Variants in PSD3 observed in about 807,000 individuals in gnomAD.
PSD3 encodes pleckstrin and Sec7 domain containing 3, also known as PH and SEC7 domain-containing protein 3.
In PSD3, 49 loss-of-function variants were observed where a neutral mutation model predicts 105.5. That is an observed-to-expected ratio of 0.46 (90% confidence interval 0.37 to 0.59). The LOEUF (loss-of-function observed/expected upper bound fraction) is 0.59, where lower values mean the gene tolerates loss of function less well. Ranked by LOEUF, PSD3 falls within the 20% of genes least tolerant of loss-of-function variation. The pLI, the probability that PSD3 is intolerant of heterozygous loss-of-function variation, is 0.00. For missense variants in PSD3, 1,561 were observed against 1,263.8 expected (o/e 1.24, Z -3.57); for synonymous variants, 557 against 457.8 (o/e 1.22, Z -2.77).
chr8:18,741,795 T>TAAAAAAAAAAAAAAAAAAAAAAAA (rs3042866), intron 9 of PSD3, among the ~76,000 whole-genome samples: 1 of 79,686 alleles, frequency 1.3e-5, no homozygotes, highest in Non-Finnish European at 2.3e-5. Flanking sequence ...AATTTTATTG[T>TAAAAAAAAAAAAAAAAAAAAAAAA]AAAAAAAAAA....
intron 14 of PSD3, among the ~76,000 whole-genome samples, chr8:18,556,968 T>C (rs566861831): frequency 5.1e-4 from 77 of 152,244 alleles, no homozygotes; most frequent in Non-Finnish European, 1.0e-3. Context: ...AATTAAAATG[T>C]ATCTACCTAT....
chr8:18,963,008 G>C (rs1432927404), intron 1 of PSD3, among the ~76,000 whole-genome samples: 2 of 152,178 alleles, frequency 1.3e-5, no homozygotes, highest in Non-Finnish European at 2.9e-5. Context: ...GATAAAAAGA[G>C]GTTTAATTGG....
intron 8 of PSD3, among the ~76,000 whole-genome samples, chr8:18,789,323 A>T (rs335249): frequency 0.053 from 8,046 of 152,298 alleles, 249 homozygotes; most frequent in Middle Eastern, 0.078. Flanking sequence ...AAACACAAAC[A>T]GATATGAGAA....
chr8:18,937,780 C>T (rs536993228), intron 1 of PSD3, among the ~76,000 whole-genome samples: 87 of 152,286 alleles, frequency 5.7e-4, no homozygotes, highest in African/African-American at 2.0e-3. Flanking sequence ...AAAAGAGGAA[C>T]TCGGCCAAGG....
intron 9 of PSD3, among the ~76,000 whole-genome samples, chr8:18,681,880 A>C (rs1184036092): frequency 6.6e-6 from 1 of 152,096 alleles, no homozygotes; most frequent in East Asian, 1.9e-4. Context: ...CATATGCCTC[A>C]AAAAAATACT....
chr8:18,543,549 C>T lies in PSD3; in HGVS notation c.2929-7591G>A, dbSNP rs368591736. Among the ~76,000 whole-genome samples the T allele has an allele frequency of 6.9e-4, 105 of 151,412 alleles. 1 individual carries two copies. The highest frequency in any genetic ancestry group is 2.4e-3 in the African/African-American group (99 of 41,300). ...AGGAGAATGGCCTGAACCCAGGAGG[C>T]GGAGCTTGTAGTGAGCTTAGATCAC... On this transcript the variant is annotated intron_variant, in intron 15 of 15. Coordinates refer to ENST00000327040, the MANE Select transcript of PSD3 (RefSeq NM_015310.4).
intron 6 of PSD3, chr8:18,802,381 AAT>A (rs112714875): frequency 4.7e-6 from 2 of 423,774 alleles, no homozygotes; most frequent in African/African-American, 2.0e-5. Context: ...GGAAAAAAAA[AAT>A]CATTCAAAAT....
chr8:18,853,538 G>A (rs1038341882), intron 4 of PSD3, among the ~76,000 whole-genome samples: 2 of 151,562 alleles, frequency 1.3e-5, no homozygotes, highest in Admixed American at 6.6e-5. Context: ...CTCAGCTCCA[G>A]GGGGAAAAAA....
chr8:18,703,038 T>C (rs1801682652), intron 9 of PSD3, among the ~76,000 whole-genome samples: 1 of 152,196 alleles, frequency 6.6e-6, no homozygotes, highest in Non-Finnish European at 1.5e-5. Context: ...TTTGTGTTTT[T>C]CTGAGGCAAG....
intron 9 of PSD3, among the ~76,000 whole-genome samples, chr8:18,757,847 A>G (rs114838187): frequency 0.016 from 2,384 of 152,270 alleles, 70 homozygotes; most frequent in African/African-American, 0.053. Context: ...TAATACTGTT[A>G]TATAGTTATT....
intron 2 of PSD3, among the ~76,000 whole-genome samples, chr8:18,900,843 G>C (rs1033891448): frequency 6.6e-6 from 1 of 151,922 alleles, no homozygotes; most frequent in Non-Finnish European, 1.5e-5. Context: ...ACAGATGAAT[G>C]GTTCACATGG....
At chr8:18,647,768 G>C (rs117677976) in intron 10 of PSD3, among the ~76,000 whole-genome samples, 5,434 of 152,084 alleles carry the variant, frequency 0.036, 131 homozygotes, top group Non-Finnish European at 0.054. Flanking sequence ...CTGGTGAGAG[G>C]TGACTCGATC....
At chr8:18,986,227 T>C (rs1018085524) in intron 1 of PSD3, among the ~76,000 whole-genome samples, 4 of 152,204 alleles carry the variant, frequency 2.6e-5, no homozygotes, top group Non-Finnish European at 5.9e-5. Flanking sequence ...CATTAATGAA[T>C]AGATATAAAT....
At chr8:18,786,479 C>T (rs1190547729) in intron 8 of PSD3, among the ~76,000 whole-genome samples, 1 of 152,148 alleles carries the variant, frequency 6.6e-6, no homozygotes, top group Non-Finnish European at 1.5e-5. Flanking sequence ...GCTTATTTGG[C>T]AGTGCCTTCT....
chr8:18,867,589 A>G, intron 4 of PSD3, 85 bp downstream of exon 4: 2 of 1,475,078 alleles, frequency 1.4e-6, no homozygotes, highest in Non-Finnish European at 9.1e-7. Context: ...CAAATGATTT[A>G]AATATATATT....
chr8:18,660,833 T>C (rs1011896680), intron 9 of PSD3, among the ~76,000 whole-genome samples: 3 of 152,200 alleles, frequency 2.0e-5, no homozygotes, highest in African/African-American at 7.2e-5. Context: ...CATACCTCTC[T>C]CGACACTAGC....
chr8:19,044,059 A>G (rs1316729053), intron 1 of PSD3, among the ~76,000 whole-genome samples: 1 of 152,188 alleles, frequency 6.6e-6, no homozygotes. Context: ...CACAGGCCTC[A>G]GAGCCACCCA....
intron 1 of PSD3, among the ~76,000 whole-genome samples, chr8:18,992,970 T>C (rs568605434): frequency 1.3e-5 from 2 of 152,308 alleles, no homozygotes; most frequent in South Asian, 4.1e-4. Context: ...AAGGACGCAA[T>C]TTATTACAAA....
chr8:18,979,180 C>T (rs1825120408), intron 1 of PSD3, among the ~76,000 whole-genome samples: 1 of 152,122 alleles, frequency 6.6e-6, no homozygotes, highest in South Asian at 2.1e-4. Flanking sequence ...TGGGGGGCGG[C>T]CAGCACATAG....
Sources: allele counts gnomAD v4.1 joint callset (sites outside exome capture counted in the v4.1 genomes callset), GRCh38; gene constraint gnomAD v4.1.1; transcripts MANE v1.5; gene names NCBI Gene and HGNC (gene_info 2026-07-23, HGNC 2026-07-21).